ABAT: variants seen among roughly 807,000 people sequenced by gnomAD.
ABAT encodes 4-aminobutyrate aminotransferase.
ABAT carries 45 observed loss-of-function variants against 64.6 expected under a neutral mutation model. That is an observed-to-expected ratio of 0.70 (90% CI 0.55 to 0.89). ABAT has a LOEUF of 0.89. Among genes scored for constraint, ABAT ranks in the 40% least tolerant of loss-of-function variants. ABAT has a pLI of 0.00. For missense variants in ABAT, 633 were observed against 658.4 expected (o/e 0.96, Z 0.42); for synonymous variants, 297 against 250.5 (o/e 1.19, Z -1.75).
At chr16:8,680,399 A>T (rs1277579565) in intron 1 of ABAT, among the ~76,000 whole-genome samples, 1 of 152,176 alleles carries the variant, frequency 6.6e-6, no homozygotes, top group African/African-American at 2.4e-5. Context: ...ATAACATGAA[A>T]TTGACCATTT....
chr16:8,728,822 C>G (rs893961729), intron 1 of ABAT, among the ~76,000 whole-genome samples: 14 of 152,138 alleles, frequency 9.2e-5, no homozygotes, highest in African/African-American at 3.1e-4. Context: ...TGCAGTGAGC[C>G]GAGATCACGC....
intron 1 of ABAT, among the ~76,000 whole-genome samples, chr16:8,692,892 T>C (rs140157454): frequency 0.024 from 3,646 of 152,292 alleles, 145 homozygotes; most frequent in African/African-American, 0.083. Flanking sequence ...CTCACTCTGT[T>C]GCCCAGGCTG....
At chr16:8,765,189 G>A (rs1295526156) in intron 8 of ABAT, among the ~76,000 whole-genome samples, 2 of 149,580 alleles carry the variant, frequency 1.3e-5, no homozygotes, top group East Asian at 4.0e-4. Flanking sequence ...TTCAAAAATT[G>A]GCCAGGCATG....
At chr16:8,744,502 G>T (rs1323499017) in intron 2 of ABAT, among the ~76,000 whole-genome samples, 3 of 151,686 alleles carry the variant, frequency 2.0e-5, no homozygotes, top group African/African-American at 7.3e-5. Context: ...CTAGTAGCTG[G>T]GATTACAGGT....
Position 8,722,704 on chromosome 16 carries a change from G to A in ABAT, c.-41-12995G>A, listed in dbSNP as rs145172078. 2.4e-3 allele frequency: 1,716 copies of A among 705,500 alleles called. 20 individuals are homozygous for A. The African/African-American group carries it at 0.029, about 12-fold the overall frequency. The allele number at this position is 705,500 out of a possible 1,614,324, so 43.7% of individuals were successfully genotyped here. ...ACCTCCTTGGTCACAATTTCATGGC[G>A]TGCCAGTGCTCTGAAAGCACCTCCC... On this transcript the variant is annotated intron_variant, in intron 1 of 15. Transcript: ENST00000268251.
At chr16:8,701,824 A>G (rs1036307483) in intron 1 of ABAT, among the ~76,000 whole-genome samples, 3 of 152,074 alleles carry the variant, frequency 2.0e-5, no homozygotes, top group African/African-American at 4.8e-5. Context: ...CTCTCTGTGG[A>G]AGAGATTTTT....
At chr16:8,743,004 C>CT (rs941295294) in intron 2 of ABAT, among the ~76,000 whole-genome samples, 2 of 37,988 alleles carry the variant, frequency 5.3e-5, no homozygotes, top group Non-Finnish European at 1.1e-4. Flanking sequence ...GACCTCATTT[C>CT]TTTAAAAAAA....
At chr16:8,700,910 TC>T (rs763215537) in intron 1 of ABAT, among the ~76,000 whole-genome samples, 2 of 138,042 alleles carry the variant, frequency 1.4e-5, no homozygotes, top group Non-Finnish European at 1.6e-5. Flanking sequence ...TGGCCTTAAT[TC>T]TTTTTTTTTT....
At chr16:8,762,516 T>C (rs1266732766) in intron 6 of ABAT, among the ~76,000 whole-genome samples, 2 of 152,240 alleles carry the variant, frequency 1.3e-5, no homozygotes, top group African/African-American at 4.8e-5. Context: ...ATTATCTTCA[T>C]GCTGTACCCT....
Position 8,776,225 on chromosome 16 carries a change from A to T in ABAT, c.1123-119A>T. 7.3e-7 allele frequency: 1 copy of T among 1,378,702 alleles called. No homozygotes were observed. The highest frequency in any genetic ancestry group is 1.0e-6 in the Non-Finnish European group (1 of 979,880). The allele number at this position is 1,378,702 out of a possible 1,614,324, so 85.4% of individuals were successfully genotyped here. ...GTGTGTTCCCCTGCCAGCCTCTGGT[A>T]GATGCCCACTAGATTAGTTTCTCTC... On this transcript the variant is annotated intron_variant, in intron 13 of 15. Coordinates refer to ENST00000268251, the MANE Select transcript of ABAT (RefSeq NM_020686.6). The surrounding 1 kb of genome is among the most constrained non-coding windows in gnomAD (Gnocchi z 4.4).
At chr16:8,702,316 G>A (rs904689907) in intron 1 of ABAT, among the ~76,000 whole-genome samples, 3 of 151,488 alleles carry the variant, frequency 2.0e-5, no homozygotes, top group Non-Finnish European at 4.4e-5. Flanking sequence ...GCAATGGCAC[G>A]ATCTTGGCTC....
At chr16:8,746,711 CAA>C (rs988350809) in intron 3 of ABAT, among the ~76,000 whole-genome samples, 4 of 132,620 alleles carry the variant, frequency 3.0e-5, no homozygotes, top group Non-Finnish European at 1.6e-5. Context: ...GACTCTGTCT[CAA>C]AAAAAAAAAA....
intron 1 of ABAT, among the ~76,000 whole-genome samples, chr16:8,716,513 C>A (rs1333571082): frequency 6.6e-6 from 1 of 152,112 alleles, no homozygotes; most frequent in Non-Finnish European, 1.5e-5. Context: ...TTCTTCTGTA[C>A]CCAGGGCGTG....
rs1418696764 is a variant in ABAT, at chr16:8,710,003, T to G, written c.-41-25696T>G. Reference sequence around the variant, plus strand: ...ATGTTTGTATTTTTTTATACAGACCTGCTTTCACTGTATTGCCCAGGCTGG... The same window carrying G: ...ATGTTTGTATTTTTTTATACAGACCGGCTTTCACTGTATTGCCCAGGCTGG... On this transcript the variant is annotated intron_variant, in intron 1 of 15. Coordinates refer to ENST00000268251, the MANE Select transcript of ABAT (RefSeq NM_020686.6). 2.6e-5 allele frequency among the ~76,000 whole-genome samples: 4 copies of G among 152,084 alleles called. No homozygotes were observed. The East Asian group carries it at 7.8e-4, about 30-fold the overall frequency.
chr16:8,742,929 G>C (rs1447927551), intron 2 of ABAT, among the ~76,000 whole-genome samples: 3 of 149,246 alleles, frequency 2.0e-5, no homozygotes, highest in Non-Finnish European at 4.4e-5. Flanking sequence ...CTAGCTACGT[G>C]GGAGGCTGAG....
At chr16:8,768,388 G>C (rs2060007840) in intron 10 of ABAT, 132 bp downstream of exon 10, 3 of 968,706 alleles carry the variant, frequency 3.1e-6, no homozygotes, top group African/African-American at 3.2e-5. Context: ...TGCAGAGTGG[G>C]GATTATTATT....
chr16:8,733,279 C>T (rs1407346742), intron 1 of ABAT, among the ~76,000 whole-genome samples: 2 of 151,364 alleles, frequency 1.3e-5, no homozygotes, highest in East Asian at 3.9e-4. Flanking sequence ...GTGATGGCGG[C>T]CGGGAAGAGG....
At chr16:8,733,623 G>A (rs1257398231) in intron 1 of ABAT, among the ~76,000 whole-genome samples, 2 of 152,028 alleles carry the variant, frequency 1.3e-5, no homozygotes, top group Non-Finnish European at 2.9e-5. Context: ...TGCGGTTAGG[G>A]GCTGGAGACC....
chr16:8,771,195 C>T (rs868236482), intron 11 of ABAT, among the ~76,000 whole-genome samples: 6 of 151,256 alleles, frequency 4.0e-5, no homozygotes, highest in African/African-American at 7.3e-5. Context: ...CTCCAGAGGC[C>T]GAAGCAGGAG....
Sources: gnomAD v4.1 joint callset for allele counts (sites outside exome capture counted in the v4.1 genomes callset) on GRCh38, gnomAD v4.1.1 for gene constraint, Gnocchi (gnomAD v3.1) non-coding constraint, MANE v1.5 for transcripts, NCBI Gene and HGNC (gene_info 2026-07-23, HGNC 2026-07-21) for gene names.